The following WWOX variants were observed in gnomAD, a reference collection of about 807,000 sequenced individuals.
WWOX encodes the protein WW domain containing oxidoreductase.
WWOX carries 69 observed loss-of-function variants against 46.2 expected under a neutral mutation model. The ratio of observed to expected loss-of-function variants is 1.49; its 90% CI spans 1.23 to 1.82. The LOEUF (loss-of-function observed/expected upper bound fraction) is 1.82. WWOX is among the 40% of genes most tolerant of loss of function. The pLI, the probability that WWOX is intolerant of heterozygous loss-of-function variation, is 0.00. For missense variants in WWOX, 919 were observed against 542.6 expected (o/e 1.69, Z -6.89); for synonymous variants, 359 against 202.6 (o/e 1.77, Z -6.56).
intron 5 of WWOX, among the ~76,000 whole-genome samples, chr16:78,196,678 C>G (rs1480155183): frequency 6.6e-6 from 1 of 152,096 alleles, no homozygotes; most frequent in Non-Finnish European, 1.5e-5. Flanking sequence ...AAAGCACAGC[C>G]TTGCAATGTC....
chr16:78,640,753 A>C (rs1215390963), intron 8 of WWOX, among the ~76,000 whole-genome samples: 1 of 152,062 alleles, frequency 6.6e-6, no homozygotes, highest in Admixed American at 6.6e-5. Flanking sequence ...AGCCTGGGCA[A>C]CACGGTGAAA....
At chr16:78,908,695 G>T (rs952258965) in intron 8 of WWOX, among the ~76,000 whole-genome samples, 1 of 152,092 alleles carries the variant, frequency 6.6e-6, no homozygotes, top group Admixed American at 6.6e-5. Flanking sequence ...GTATTGATTG[G>T]TCAGGTTTGA....
intron 8 of WWOX, among the ~76,000 whole-genome samples, chr16:78,840,307 C>T (rs1038536841): frequency 6.6e-6 from 1 of 152,118 alleles, no homozygotes. Context: ...ACGTCTTGTT[C>T]TAGTTTTGAA....
intron 5 of WWOX, among the ~76,000 whole-genome samples, chr16:78,309,601 A>G (rs2080200462): frequency 1.3e-5 from 2 of 152,122 alleles, no homozygotes; most frequent in African/African-American, 4.8e-5. Flanking sequence ...TAACCCAGCC[A>G]CCTTGGGCAC....
At chr16:78,420,043 A>G (rs1436863266) in intron 6 of WWOX, among the ~76,000 whole-genome samples, 1 of 152,202 alleles carries the variant, frequency 6.6e-6, no homozygotes, top group Non-Finnish European at 1.5e-5. Context: ...CAATCTCATT[A>G]GGGAAATGCA....
intron 8 of WWOX, among the ~76,000 whole-genome samples, chr16:78,494,331 A>G (rs935836197): frequency 2.0e-5 from 3 of 152,196 alleles, no homozygotes; most frequent in African/African-American, 7.2e-5. Context: ...AGGGATTACA[A>G]TTCAACCTGA....
chr16:78,677,913 C>T (rs1357150572), intron 8 of WWOX, among the ~76,000 whole-genome samples: 4 of 152,140 alleles, frequency 2.6e-5, no homozygotes, highest in Admixed American at 6.5e-5. Flanking sequence ...AAAAGTAGCC[C>T]GTTCCACTCC....
intron 8 of WWOX, among the ~76,000 whole-genome samples, chr16:79,038,062 G>T (rs1016064765): frequency 2.6e-5 from 4 of 151,924 alleles, no homozygotes; most frequent in Non-Finnish European, 5.9e-5. Flanking sequence ...GCATTCTCTC[G>T]GCTTCCCTCC....
At chr16:78,890,595 A>G (rs2044568893) in intron 8 of WWOX, 1 of 152,208 alleles carries the variant, frequency 6.6e-6, no homozygotes, top group Non-Finnish European at 1.5e-5. Flanking sequence ...CAGGGGAACA[A>G]ATTAAGAGAG....
At chr16:78,867,091 C>T (rs2044020264) in intron 8 of WWOX, among the ~76,000 whole-genome samples, 1 of 152,078 alleles carries the variant, frequency 6.6e-6, no homozygotes, top group Admixed American at 6.6e-5. Flanking sequence ...AGGGCGCCTT[C>T]TGTTATGTTC....
rs141352389 is a variant in WWOX, at chr16:78,380,860, A to G, written c.517-6000A>G. Among the ~76,000 whole-genome samples the G allele has an allele frequency of 2.1e-3, 320 of 152,364 alleles. 2 individuals carry two copies. The highest frequency in any genetic ancestry group is 7.4e-3 in the African/African-American group (309 of 41,578). On this transcript the variant is annotated intron_variant, in intron 5 of 8. Transcript: ENST00000566780. ...AGTTATTAATATGCATTATTATTGG[A>G]AAACAATGGTCATCACATTTTAGCA...
intron 8 of WWOX, among the ~76,000 whole-genome samples, chr16:78,441,978 GT>G: frequency 6.6e-6 from 1 of 151,478 alleles, no homozygotes; most frequent in African/African-American, 2.4e-5. Flanking sequence ...GTGTGTGTGT[GT>G]GTGTGTGTGT....
chr16:78,390,814 A>G (rs76919408), intron 6 of WWOX, among the ~76,000 whole-genome samples: 5,947 of 152,314 alleles, frequency 0.039, 156 homozygotes, highest in Non-Finnish European at 0.056. Context: ...AATGAAAGAA[A>G]GGCTGCCAGT....
intron 1 of WWOX, among the ~76,000 whole-genome samples, chr16:78,103,264 T>A (rs988382408): frequency 2.6e-4 from 39 of 149,962 alleles, no homozygotes; most frequent in Non-Finnish European, 1.9e-4. Flanking sequence ...TTTTTTTTTT[T>A]AATTTAATTT....
intron 8 of WWOX, among the ~76,000 whole-genome samples, chr16:78,572,189 A>T (rs1394483675): frequency 1.3e-5 from 2 of 152,170 alleles, no homozygotes; most frequent in Non-Finnish European, 2.9e-5. Flanking sequence ...TCTACAATGA[A>T]ATGGGGAAAT....
intron 8 of WWOX, among the ~76,000 whole-genome samples, chr16:78,471,536 T>A (rs891251287): frequency 1.3e-5 from 2 of 152,336 alleles, no homozygotes; most frequent in African/African-American, 4.8e-5. Flanking sequence ...GATGTGATGA[T>A]CTCAGAACTT....
chr16:78,581,200 A>G (rs565924287), intron 8 of WWOX, among the ~76,000 whole-genome samples: 6 of 152,320 alleles, frequency 3.9e-5, no homozygotes, highest in Admixed American at 3.9e-4. Flanking sequence ...TAAAGGAAAA[A>G]GTTACATATG....
chr16:78,507,376 A>C (rs1041783873), intron 8 of WWOX, among the ~76,000 whole-genome samples: 1 of 152,278 alleles, frequency 6.6e-6, no homozygotes, highest in East Asian at 1.9e-4. Flanking sequence ...AAAAAGTCAA[A>C]AGGAAACAAA....
chr16:78,752,010 A>C (rs1448925524), intron 8 of WWOX, among the ~76,000 whole-genome samples: 2 of 151,138 alleles, frequency 1.3e-5, no homozygotes, highest in East Asian at 3.9e-4. Context: ...TCTTTAAATA[A>C]GGAGGAGGAT....
Sources: allele counts gnomAD v4.1 joint callset (sites outside exome capture counted in the v4.1 genomes callset), GRCh38; gene constraint gnomAD v4.1.1; transcripts MANE v1.5; gene names NCBI Gene and HGNC (gene_info 2026-07-23, HGNC 2026-07-21).